The following LEF1 variants were observed in gnomAD, a reference collection of about 807,000 sequenced individuals.
LEF1 encodes the protein lymphoid enhancer-binding factor 1.
In LEF1, 14 loss-of-function variants were observed where a neutral mutation model predicts 51.2. The observed-to-expected ratio is 0.27, with a 90% CI of 0.18 to 0.43. LEF1 has a LOEUF of 0.43. Among genes scored for constraint, LEF1 ranks in the 20% least tolerant of loss-of-function variants. The pLI, the probability that LEF1 is intolerant of heterozygous loss-of-function variation, is 1.00. For missense variants in LEF1, 386 were observed against 512.0 expected, an observed-to-expected ratio of 0.75 and a Z score of 2.37; for synonymous variants, 185 against 183.2, an observed-to-expected ratio of 1.01 and a Z score of -0.08.
intron 3 of LEF1, among the ~76,000 whole-genome samples, chr4:108,102,555 G>A (rs895091077): frequency 3.9e-5 from 6 of 152,154 alleles, no homozygotes; most frequent in Non-Finnish European, 8.8e-5. Flanking sequence ...AAGAAGGGAA[G>A]GAGATAGGAG....
intron 3 of LEF1, among the ~76,000 whole-genome samples, chr4:108,125,814 G>C (rs1742490639): frequency 6.6e-6 from 1 of 151,912 alleles, no homozygotes; most frequent in African/African-American, 2.4e-5. Flanking sequence ...GTGTGACTGT[G>C]CAGTGATTCA....
chr4:108,053,931 G>A lies in LEF1; in HGVS notation c.*7-5180C>T, dbSNP rs989336799. On this transcript the variant is annotated intron_variant, in intron 11 of 11. Coordinates refer to ENST00000265165, the MANE Select transcript of LEF1 (RefSeq NM_016269.5). The stretch of plus-strand genomic sequence containing the variant: ...CCAATCCACATTTCTCTCAACAGAC[G>A]TTCTCTCACACTAAAGATGTTAAGT... Among the ~76,000 whole-genome samples the A allele has an allele frequency of 9.8e-5, 15 of 152,288 alleles. No individual in the cohort carries two copies. In the South Asian group the frequency reaches 1.2e-3, roughly 13 times the overall value.
At position 108,048,063 on chromosome 4, in the gene LEF1, A is replaced by G. The variant is rs1736733179; in HGVS notation, c.*695T>C. 6.6e-6 allele frequency: 1 copy of G among 152,638 alleles called. No individual in the cohort carries two copies. The highest frequency in any genetic ancestry group is 1.5e-5 in the Non-Finnish European group (1 of 68,044). 9.5% of individuals were successfully genotyped at this position (152,638 alleles called of 1,614,324 possible). On this transcript the variant is annotated 3_prime_UTR_variant, in exon 12 of 12. Transcript: ENST00000265165. ...ACCAGACAAGCTGTCTCAGAAAAAG[A>G]AGGCTTCTTTTTATGTCATTATTTC...
At chr4:108,095,352 A>G (rs1042921345) in intron 3 of LEF1, among the ~76,000 whole-genome samples, 1 of 152,190 alleles carries the variant, frequency 6.6e-6, no homozygotes, top group African/African-American at 2.4e-5. Context: ...GTAAGTGGGT[A>G]TTATTACCCC....
chr4:108,157,162 C>A (rs1179041571), intron 3 of LEF1, among the ~76,000 whole-genome samples: 14 of 64,122 alleles, frequency 2.2e-4, no homozygotes, highest in Admixed American at 1.5e-3. Flanking sequence ...CTCTCTCTCT[C>A]TCTCTCTATA....
At chr4:108,159,566 A>T (rs1578409798) in intron 3 of LEF1, among the ~76,000 whole-genome samples, 1 of 152,346 alleles carries the variant, frequency 6.6e-6, no homozygotes, top group African/African-American at 2.4e-5. Context: ...AAAGGTATCC[A>T]ACAATGTCAC....
At chr4:108,165,432 C>G (rs952134518) in intron 1 of LEF1, among the ~76,000 whole-genome samples, 1 of 152,120 alleles carries the variant, frequency 6.6e-6, no homozygotes, top group African/African-American at 2.4e-5. Context: ...TGGGAATGAT[C>G]CACATGCTGT....
At chr4:108,164,779 T>C (rs184439319) in intron 2 of LEF1, among the ~76,000 whole-genome samples, 1 of 152,142 alleles carries the variant, frequency 6.6e-6, no homozygotes, top group Admixed American at 6.6e-5. Context: ...ATATTAAAAA[T>C]ACTAAAGATC....
At chr4:108,108,514 A>G (rs1741318209) in intron 3 of LEF1, among the ~76,000 whole-genome samples, 2 of 152,120 alleles carry the variant, frequency 1.3e-5, no homozygotes, top group Non-Finnish European at 2.9e-5. Flanking sequence ...CTCCTTCTGT[A>G]TGTATAAAAT....
intron 3 of LEF1, among the ~76,000 whole-genome samples, chr4:108,141,073 A>G (rs1743617311): frequency 6.6e-6 from 1 of 152,250 alleles, no homozygotes; most frequent in Admixed American, 6.5e-5. Context: ...TTGTGTTTTC[A>G]GAGTTTGGTG....
intron 11 of LEF1, among the ~76,000 whole-genome samples, chr4:108,054,304 G>A (rs1737187931): frequency 1.3e-5 from 2 of 152,256 alleles, no homozygotes; most frequent in South Asian, 2.1e-4. Context: ...AGAGCCGGGC[G>A]AGTGCAGGGC....
intron 3 of LEF1, among the ~76,000 whole-genome samples, chr4:108,093,983 T>A (rs559777245): frequency 2.0e-5 from 3 of 152,142 alleles, no homozygotes; most frequent in Non-Finnish European, 4.4e-5. Context: ...CTTTTACAGA[T>A]GAGGAAACAG....
intron 3 of LEF1, among the ~76,000 whole-genome samples, chr4:108,160,857 T>C (rs1053087359): frequency 2.0e-5 from 3 of 152,212 alleles, no homozygotes; most frequent in Non-Finnish European, 4.4e-5. Context: ...TGCAGTTAGA[T>C]ACAAACAGAA....
chr4:108,142,300 A>G (rs1743712220), intron 3 of LEF1, among the ~76,000 whole-genome samples: 1 of 152,242 alleles, frequency 6.6e-6, no homozygotes. Flanking sequence ...TTGTAAATGC[A>G]TGATTCCATT....
At chr4:108,095,829 A>AGACC (rs1204678075) in intron 3 of LEF1, among the ~76,000 whole-genome samples, 1 of 152,182 alleles carries the variant, frequency 6.6e-6, no homozygotes, top group African/African-American at 2.4e-5. Flanking sequence ...AGCCAAAAGG[A>AGACC]GACCCATTGT....
chr4:108,158,440 G>A (rs984795051), intron 3 of LEF1, among the ~76,000 whole-genome samples: 12 of 152,088 alleles, frequency 7.9e-5, no homozygotes, highest in South Asian at 6.3e-4. Context: ...GAGAGAGCGC[G>A]CAACCTTTAG....
intron 6 of LEF1, 118 bp downstream of exon 6, chr4:108,081,468 G>C (rs988501204): frequency 2.4e-5 from 18 of 737,908 alleles, no homozygotes; most frequent in Non-Finnish European, 4.3e-5. Context: ...TGCACAGACA[G>C]ACACATGGCT....
At chr4:108,098,023 C>A (rs746478179) in intron 3 of LEF1, among the ~76,000 whole-genome samples, 5 of 152,026 alleles carry the variant, frequency 3.3e-5, no homozygotes, top group African/African-American at 1.2e-4. Context: ...CTGTTTGGGG[C>A]GGGTTGGTTC....
chr4:108,158,414 A>AG lies in LEF1; in HGVS notation c.414+5153_414+5154insC, dbSNP rs1188281235. On this transcript the variant is annotated intron_variant, in intron 3 of 11. Coordinates refer to ENST00000265165, the MANE Select transcript of LEF1 (RefSeq NM_016269.5). Reference sequence around the variant, plus strand: ...CAAGTTTTAAATGAACATTCCCTTAAAAAAAGAGAGAGAGAGAGAGAGCGC... The same window carrying AG: ...CAAGTTTTAAATGAACATTCCCTTAAGAAAAAGAGAGAGAGAGAGAGAGCGC... Among the ~76,000 whole-genome samples the AG allele has an allele frequency of 2.7e-4, 38 of 143,056 alleles. No individual in the cohort carries two copies. In the Admixed American group the frequency reaches 2.9e-3, roughly 11 times the overall value. 93.9% of individuals were successfully genotyped at this position (143,056 alleles called of 152,430 possible).
Sources: allele counts gnomAD v4.1 joint callset (sites outside exome capture counted in the v4.1 genomes callset), GRCh38; gene constraint gnomAD v4.1.1; transcripts MANE v1.5; gene names NCBI Gene and HGNC (gene_info 2026-07-23, HGNC 2026-07-21).